The following AOPEP variants were observed in gnomAD, a reference collection of about 807,000 sequenced individuals.
The protein encoded by AOPEP is aminopeptidase O.
In AOPEP, 77 loss-of-function variants were observed where a neutral mutation model predicts 98.1. The ratio of observed to expected loss-of-function variants is 0.78; its 90% CI spans 0.65 to 0.95. The LOEUF (loss-of-function observed/expected upper bound fraction) is 0.95, where lower values mean the gene tolerates loss of function less well. Among genes scored for constraint, AOPEP ranks in the 40% least tolerant of loss-of-function variants. The pLI is 0.00. For missense variants in AOPEP, 1,024 were observed against 1,024.7 expected (o/e 1.00, Z 0.01); for synonymous variants, 346 against 365.3 (o/e 0.95, Z 0.60).
chr9:94,955,872 A>G, intron 8 of AOPEP, 36 bp from the exon 9 acceptor site: 1 of 1,200,636 alleles, frequency 8.3e-7, no homozygotes. Context: ...AACTCATGGT[A>G]GGCCTCTTTT....
At chr9:94,746,721 G>A (rs1332929244) in intron 1 of AOPEP, among the ~76,000 whole-genome samples, 1 of 152,180 alleles carries the variant, frequency 6.6e-6, no homozygotes, top group Non-Finnish European at 1.5e-5. Flanking sequence ...ATCTGGGTGC[G>A]AAGATGTGAT....
At chr9:95,081,883 C>A (rs1358769956) in intron 15 of AOPEP, among the ~76,000 whole-genome samples, 1 of 152,166 alleles carries the variant, frequency 6.6e-6, no homozygotes, top group Non-Finnish European at 1.5e-5. Flanking sequence ...CGTGGCATAA[C>A]TAAGCATGGC....
intron 7 of AOPEP, chr9:94,934,690 T>G (rs962299617): frequency 6.6e-6 from 1 of 152,260 alleles, no homozygotes; most frequent in African/African-American, 2.4e-5. Flanking sequence ...ATTTTTAATC[T>G]TTTGAGACTC....
chr9:94,869,144 C>A lies in AOPEP; in HGVS notation c.1365-54842C>A, dbSNP rs55941337. Among the ~76,000 whole-genome samples, 1,002 of 152,174 alleles carry A rather than the reference C, an allele frequency of 6.6e-3. 15 individuals carry two copies. The highest frequency in any genetic ancestry group is 0.023 in the African/African-American group (952 of 41,498). On this transcript the variant is annotated intron_variant, in intron 5 of 16. Coordinates refer to ENST00000375315, the MANE Select transcript of AOPEP (RefSeq NM_001193329.3). ...CTTGGGAGGCTGAGGCAAGATAATCCCTGGAACCTGGGAGGCAGAGGCTGC... is the reference window on the plus strand; with the variant it reads ...CTTGGGAGGCTGAGGCAAGATAATCACTGGAACCTGGGAGGCAGAGGCTGC...
intron 5 of AOPEP, among the ~76,000 whole-genome samples, chr9:94,866,894 T>A (rs1402382792): frequency 6.6e-6 from 1 of 152,212 alleles, no homozygotes; most frequent in Non-Finnish European, 1.5e-5. Flanking sequence ...GAGGATTTTT[T>A]AATAGCAGCC....
At chr9:94,934,315 C>CTTTTT (rs974551445) in intron 7 of AOPEP, among the ~76,000 whole-genome samples, 2,480 of 116,662 alleles carry the variant, frequency 0.021, 238 homozygotes, top group African/African-American at 0.093. Context: ...CTTCTCCCAT[C>CTTTTT]TTTTTTTTTT....
Position 95,057,247 on chromosome 9 carries a change from A to T in AOPEP, c.2116-3447A>T, listed in dbSNP as rs191595156. Among the ~76,000 whole-genome samples the T allele has an allele frequency of 2.0e-5, 3 of 152,358 alleles. No individual in the cohort carries two copies. The East Asian group carries it at 5.8e-4, about 29-fold the overall frequency. On this transcript the variant is annotated intron_variant, in intron 13 of 16. Transcript: ENST00000375315. ...TCTCCCGCCAGTGCTGCTGTATTAA[A>T]CACAGCTGGCCTTTCAGTCTTAAAT...
intron 5 of AOPEP, among the ~76,000 whole-genome samples, chr9:94,838,909 C>T (rs199734029): frequency 3.1e-3 from 311 of 99,442 alleles, no homozygotes; most frequent in East Asian, 3.8e-3. Flanking sequence ...AAATGCTATT[C>T]TTTTTTTTTT....
At chr9:95,074,069 G>A (rs567733504) in intron 14 of AOPEP, among the ~76,000 whole-genome samples, 39 of 152,254 alleles carry the variant, frequency 2.6e-4, no homozygotes, top group African/African-American at 9.1e-4. Flanking sequence ...GCAGTTGGCT[G>A]CCATGAATGT....
intron 11 of AOPEP, among the ~76,000 whole-genome samples, chr9:94,986,155 G>C (rs558627574): frequency 6.6e-6 from 1 of 152,256 alleles, no homozygotes; most frequent in Non-Finnish European, 1.5e-5. Context: ...GGTTTCTGGT[G>C]AGGCCTCTCT....
chr9:94,849,778 T>C (rs2043313568), intron 5 of AOPEP, among the ~76,000 whole-genome samples: 1 of 152,154 alleles, frequency 6.6e-6, no homozygotes, highest in Non-Finnish European at 1.5e-5. Flanking sequence ...CTCACGCTTG[T>C]AATCCCAGCA....
chr9:94,791,592 C>T (rs1288848792), intron 3 of AOPEP, among the ~76,000 whole-genome samples: 1 of 151,994 alleles, frequency 6.6e-6, no homozygotes, highest in Non-Finnish European at 1.5e-5. Context: ...TCACTTGAGA[C>T]ATTGGATATT....
chr9:95,092,583 CCTT>C, the AOPEP span, among the ~76,000 whole-genome samples: 6 of 152,186 alleles, frequency 3.9e-5, no homozygotes, highest in African/African-American at 1.4e-4. Flanking sequence ...TCTTTGTGCT[CCTT>C]CTGCCTGTAA....
At chr9:95,021,318 G>T (rs1415381479) in intron 13 of AOPEP, among the ~76,000 whole-genome samples, 1 of 152,176 alleles carries the variant, frequency 6.6e-6, no homozygotes, top group African/African-American at 2.4e-5. Flanking sequence ...ACTGAAGTGG[G>T]CAGGTGGCAA....
the AOPEP span, among the ~76,000 whole-genome samples, chr9:95,139,885 T>G: frequency 6.7e-6 from 1 of 148,164 alleles, no homozygotes; most frequent in African/African-American, 2.5e-5. Context: ...GTGGAAAATT[T>G]AAAGGGACAA....
chr9:95,053,569 A>G (rs1241638832), intron 13 of AOPEP, among the ~76,000 whole-genome samples: 1 of 152,232 alleles, frequency 6.6e-6, no homozygotes, highest in Admixed American at 6.5e-5. Context: ...TTAATGTATA[A>G]CTAGAATTGG....
intron 5 of AOPEP, among the ~76,000 whole-genome samples, chr9:94,862,585 C>T (rs1461308656): frequency 6.6e-6 from 1 of 152,208 alleles, no homozygotes; most frequent in Non-Finnish European, 1.5e-5. Context: ...CAGCCAGTTT[C>T]CACTGCATCT....
At chr9:95,126,804 T>C in the AOPEP span, 4 of 533,608 alleles carry the variant, frequency 7.5e-6, no homozygotes, top group Admixed American at 1.2e-4. Context: ...TTCCTCTGTA[T>C]ACTCCTGTAT....
chr9:95,065,719 G>A (rs954422191), intron 14 of AOPEP, among the ~76,000 whole-genome samples: 6 of 152,170 alleles, frequency 3.9e-5, no homozygotes, highest in African/African-American at 7.2e-5. Flanking sequence ...AGGTCCCCCC[G>A]GGATCCCAAA....
Sources: gnomAD v4.1 joint callset for allele counts (sites outside exome capture counted in the v4.1 genomes callset) on GRCh38, gnomAD v4.1.1 for gene constraint, MANE v1.5 for transcripts, NCBI Gene and HGNC (gene_info 2026-07-23, HGNC 2026-07-21) for gene names.